The following PUS10 variants were observed in gnomAD, a reference collection of about 807,000 sequenced individuals.
The protein encoded by PUS10 is tRNA pseudouridine synthase Pus10.
In PUS10, 59 loss-of-function variants were observed where a neutral mutation model predicts 75.0. The ratio of observed to expected loss-of-function variants is 0.79; its 90% confidence interval spans 0.64 to 0.98. The LOEUF is 0.98. Ranked by LOEUF, PUS10 falls within the 50% of genes least tolerant of loss-of-function variation. The pLI is 0.00. For synonymous variants in PUS10, 219 were observed against 211.6 expected, an observed-to-expected ratio of 1.03 and a Z score of -0.30; for missense variants, 650 against 614.4, an observed-to-expected ratio of 1.06 and a Z score of -0.61.
At chr2:61,003,188 G>A (rs139411315) in intron 4 of PUS10, among the ~76,000 whole-genome samples, 61 of 152,278 alleles carry the variant, frequency 4.0e-4, no homozygotes, top group African/African-American at 1.4e-3. Flanking sequence ...GGGGCCGGGA[G>A]CGGTGGCTCA....
rs757138724 is a variant in PUS10 at position 60,954,136 on chromosome 2, C to T, written c.1080G>A (p.Leu360=). ...TGAAATGTACTCTATGAGGATTCACCAGCTCAATTGCAAAGGGCCTTCCTG... is the reference window on the plus strand; with the variant it reads ...TGAAATGTACTCTATGAGGATTCACTAGCTCAATTGCAAAGGGCCTTCCTG... The part of the protein sequence containing the change: ...LGNGRPFAIE[L]VNPHRVHFTS... The change falls in exon 13 of 18, where the codon CTG becomes CTA. Residue 360 remains leucine, a synonymous_variant. Coordinates refer to ENST00000316752, the MANE Select transcript of PUS10 (RefSeq NM_144709.4). 8.7e-6 allele frequency: 14 copies of T among 1,614,120 alleles called. No individual in the cohort carries two copies. In the South Asian group the frequency reaches 1.4e-4, roughly 16 times the overall value.
At chr2:61,001,145 T>A (rs1255646895) in intron 4 of PUS10, among the ~76,000 whole-genome samples, 1 of 152,220 alleles carries the variant, frequency 6.6e-6, no homozygotes, top group African/African-American at 2.4e-5. Flanking sequence ...AAATAGCAGA[T>A]CTATCCATGC....
At chr2:60,966,127 T>C (rs1370681172) in intron 6 of PUS10, 1 of 152,278 alleles carries the variant, frequency 6.6e-6, no homozygotes, top group East Asian at 1.9e-4. Flanking sequence ...AGACATGCTT[T>C]TGGAAAATTG....
chr2:61,018,022 G>C lies in PUS10; in HGVS notation c.-30C>G. On this transcript the variant is annotated 5_prime_UTR_variant, in exon 1 of 18. Coordinates refer to ENST00000316752, the MANE Select transcript of PUS10 (RefSeq NM_144709.4). ...GGGGCGCTTACCAGTGGGGACTTTA[G>C]TGTCTCACAGCTGTTTCTGACCCGG... The C allele has an allele frequency of 1.4e-6, 2 of 1,394,786 alleles. No individual in the cohort carries two copies. The highest frequency in any genetic ancestry group is 1.9e-6 in the Non-Finnish European group (2 of 1,042,598). 86.4% of individuals were successfully genotyped at this position (1,394,786 alleles called of 1,614,324 possible).
chr2:61,011,915 A>G lies in PUS10; in HGVS notation c.-15-10T>C. ...TATTGAATAATTATAACTAGAAAGA[A>G]AAGAAGTAAAACTAATGAGCAGCTT... On this transcript the variant is annotated splice_polypyrimidine_tract_variant and intron_variant, in intron 1 of 17. Transcript: ENST00000316752. The G allele has an allele frequency of 6.3e-7, 1 of 1,584,306 alleles. No individual in the cohort carries two copies. The highest frequency in any genetic ancestry group is 2.3e-5 in the East Asian group (1 of 44,376).
intron 4 of PUS10, among the ~76,000 whole-genome samples, chr2:60,988,861 C>CAA (rs1677893012): frequency 6.7e-6 from 1 of 150,352 alleles, no homozygotes; most frequent in South Asian, 2.1e-4. Flanking sequence ...AGGCTGGTCT[C>CAA]AAACTCCTGA....
At chr2:61,004,841 A>G (rs1052787295) in intron 4 of PUS10, among the ~76,000 whole-genome samples, 4 of 152,230 alleles carry the variant, frequency 2.6e-5, no homozygotes, top group African/African-American at 4.8e-5. Flanking sequence ...AGCACACTAA[A>G]CTATGGAAAC....
chr2:61,016,830 T>C (rs1451264108), intron 1 of PUS10, among the ~76,000 whole-genome samples: 2 of 152,122 alleles, frequency 1.3e-5, no homozygotes, highest in African/African-American at 2.4e-5. Flanking sequence ...TTAAAACTCA[T>C]TTCCCTACCG....
intron 4 of PUS10, among the ~76,000 whole-genome samples, chr2:61,003,154 T>C (rs116397023): frequency 6.6e-6 from 1 of 152,166 alleles, no homozygotes; most frequent in African/African-American, 2.4e-5. Flanking sequence ...AATGCTTTTA[T>C]AATGATGATA....
At chr2:60,968,687 TA>T (rs1558910692) in intron 5 of PUS10, among the ~76,000 whole-genome samples, 5 of 148,094 alleles carry the variant, frequency 3.4e-5, no homozygotes, top group East Asian at 2.0e-4. Flanking sequence ...CAAAAAAAAA[TA>T]AAAAAAAGAA....
At chr2:60,947,628 G>A (rs1279111043) in intron 16 of PUS10, among the ~76,000 whole-genome samples, 1 of 152,062 alleles carries the variant, frequency 6.6e-6, no homozygotes, top group East Asian at 1.9e-4. Context: ...AGGAGATAGA[G>A]ACCATCCTGG....
At chr2:60,979,352 G>A (rs1389904795) in intron 4 of PUS10, among the ~76,000 whole-genome samples, 2 of 152,038 alleles carry the variant, frequency 1.3e-5, no homozygotes, top group Non-Finnish European at 2.9e-5. Flanking sequence ...TGCTCCATCA[G>A]GGCCTGTGCC....
intron 4 of PUS10, among the ~76,000 whole-genome samples, chr2:60,994,712 T>TGGA (rs943539331): frequency 6.6e-6 from 1 of 152,224 alleles, no homozygotes; most frequent in African/African-American, 2.4e-5. Context: ...TTGAAGATAC[T>TGGA]GGACCATTTG....
At chr2:60,942,514 AG>A in intron 17 of PUS10, 81 bp from the exon 18 acceptor site, 1 of 1,103,452 alleles carries the variant, frequency 9.1e-7, no homozygotes, top group Non-Finnish European at 1.4e-6. Flanking sequence ...TAAATTTAAT[AG>A]TTTTAATATA....
chr2:61,011,033 T>G, intron 2 of PUS10: 1 of 1,163,606 alleles, frequency 8.6e-7, no homozygotes, highest in East Asian at 2.6e-5. Flanking sequence ...ATTTTAAAAA[T>G]AACTGATACT....
At chr2:61,003,184 G>A (rs780781332) in intron 4 of PUS10, among the ~76,000 whole-genome samples, 5 of 152,072 alleles carry the variant, frequency 3.3e-5, no homozygotes, top group Admixed American at 6.5e-5. Context: ...TATTGGGGCC[G>A]GGAGCGGTGG....
intron 4 of PUS10, among the ~76,000 whole-genome samples, chr2:60,993,587 C>T (rs905955855): frequency 6.6e-6 from 1 of 152,062 alleles, no homozygotes; most frequent in African/African-American, 2.4e-5. Context: ...AGACAAAATT[C>T]CCAGCTAAAC....
chr2:60,944,982 T>C lies in PUS10; in HGVS notation c.1551+27A>G, dbSNP rs754101122. 3.3e-6 allele frequency: 5 copies of C among 1,535,268 alleles called. No individual in the cohort carries two copies. The Admixed American group carries it at 5.0e-5, about 15-fold the overall frequency. On this transcript the variant is annotated intron_variant, in intron 17 of 17. Coordinates refer to ENST00000316752, the MANE Select transcript of PUS10 (RefSeq NM_144709.4). The stretch of plus-strand genomic sequence containing the variant: ...ACTTTGGTTGAATTCAATTTGCCAA[T>C]GTGCATTCCACAACAAAATGGTTTA...
rs1227726303 is a variant in PUS10, at chr2:60,942,411, G to A, written c.1574C>T (p.Pro525Leu). The stretch of plus-strand genomic sequence containing the variant: ...ATTTGAAAGCTAGTCATCCAGAGCA[G>A]GTGGCCAGTCAACATCTACAGACTA... ...DVESVDVDWP[P>L]ALDD Residue 525 changes from proline (P) to leucine (L), a missense_variant, in exon 18 of 18, where the codon CCT becomes CTT. Physicochemically the swap from Pro to Leu is moderately conservative, Grantham distance 98. Coordinates refer to ENST00000316752, the MANE Select transcript of PUS10 (RefSeq NM_144709.4). 1.2e-6 allele frequency: 2 copies of A among 1,613,420 alleles called. No individual in the cohort carries two copies. Among genetic ancestry groups the A allele is most frequent in the Non-Finnish European group, 1.7e-6 (2 of 1,179,484 alleles).
Sources: gnomAD v4.1 joint callset for allele counts (sites outside exome capture counted in the v4.1 genomes callset) on GRCh38, gnomAD v4.1.1 for gene constraint, MANE v1.5 for transcripts, NCBI Gene and HGNC (gene_info 2026-07-23, HGNC 2026-07-21) for gene names.